Variants in ERF observed in about 807,000 individuals in gnomAD.
The protein encoded by ERF is ETS domain-containing transcription factor ERF.
In ERF, 10 loss-of-function variants were observed where a neutral mutation model predicts 41.6. The observed-to-expected ratio is 0.24, with a 90% CI of 0.15 to 0.41. The LOEUF is 0.41. Ranked by LOEUF, ERF falls within the 10% of genes least tolerant of loss-of-function variation. The pLI is 1.00. For missense variants in ERF, 621 were observed against 763.2 expected, an observed-to-expected ratio of 0.81 and a Z score of 2.19; for synonymous variants, 395 against 342.4, an observed-to-expected ratio of 1.15 and a Z score of -1.70.
rs1312164675 is a variant in ERF at position 42,250,075 on chromosome 19, T to C, written c.258-133A>G. ...CGTAGGCCACAAAAGACAAATCAAG[T>C]GCCCAGAGGGTGGGTACCAGCTCTC... On this transcript the variant is annotated intron_variant, in intron 2 of 3. Coordinates refer to ENST00000222329, the MANE Select transcript of ERF (RefSeq NM_006494.4). The surrounding 1 kb of genome is among the most constrained non-coding windows in gnomAD (Gnocchi z 5.1). 7 of 916,780 alleles carry C rather than the reference T, an allele frequency of 7.6e-6. No homozygotes were observed. Among genetic ancestry groups the C allele is most frequent in the African/African-American group, 6.5e-5 (4 of 61,358 alleles). 56.8% of individuals were successfully genotyped at this position (916,780 alleles called of 1,614,324 possible).
In ERF at chr19:42,248,333, A is replaced by G; in HGVS notation, c.*132T>C. The G allele has an allele frequency of 1.2e-6, 1 of 808,174 alleles. No homozygotes were observed. The highest frequency in any genetic ancestry group is 1.7e-6 in the Non-Finnish European group (1 of 584,878). 50.1% of individuals were successfully genotyped at this position (808,174 alleles called of 1,614,324 possible). On this transcript the variant is annotated 3_prime_UTR_variant, in exon 4 of 4. Coordinates refer to ENST00000222329, the MANE Select transcript of ERF (RefSeq NM_006494.4). This position sits in a 1 kb window ranked among gnomAD's most constrained non-coding sequence, Gnocchi z 4.2. ...AAAAAGAAATTAAAGTTTTATACAA[A>G]ATGTGGGGAGGGAAAAGGGAGGAGG...
chr19:42,253,990 G>T (rs990628778), intron 1 of ERF: 191 of 974,806 alleles, frequency 2.0e-4, no homozygotes, highest in Middle Eastern at 5.2e-4. Context: ...GGGGGCGGCT[G>T]GGACCCCTCC....
rs529687256 is a variant in ERF at position 42,250,909 on chromosome 19, G to A, written c.23-344C>T. On this transcript the variant is annotated intron_variant, in intron 1 of 3. Transcript: ENST00000222329. This position sits in a 1 kb window ranked among gnomAD's most constrained non-coding sequence, Gnocchi z 5.1. ...GGGGGAGGGGCAGGAAGGGGCACAC[G>A]TGGCCAGCCGGGTTGGGGTACAGCC... Among the ~76,000 whole-genome samples, 5 of 152,204 alleles carry A rather than the reference G, an allele frequency of 3.3e-5. No individual in the cohort carries two copies. The highest frequency in any genetic ancestry group is 1.9e-4 in the East Asian group (1 of 5,168).
In ERF at chr19:42,247,575, G is replaced by A. The variant is rs991521644; in HGVS notation, c.*890C>T. On this transcript the variant is annotated 3_prime_UTR_variant, in exon 4 of 4. Coordinates refer to ENST00000222329, the MANE Select transcript of ERF (RefSeq NM_006494.4). ...TAGGACATTGATCACTGCATCCAAA[G>A]GTCCAAAGTTTTATTGTTTTGAATA... 6.5e-6 allele frequency: 1 copy of A among 152,752 alleles called. No homozygotes were observed. The highest frequency in any genetic ancestry group is 1.5e-5 in the Non-Finnish European group (1 of 68,124). The allele number at this position is 152,752 out of a possible 1,614,324, so 9.5% of individuals were successfully genotyped here. A position where few individuals can be genotyped will look rare whatever the true frequency, so the allele number is the denominator to read the frequency against.
Position 42,248,851 on chromosome 19 carries a change from G to A in ERF, c.1261C>T (p.Pro421Ser). 1.2e-6 allele frequency: 2 copies of A among 1,610,472 alleles called. No homozygotes were observed. Among genetic ancestry groups the A allele is most frequent in the Non-Finnish European group, 1.7e-6 (2 of 1,179,016 alleles). The change falls in exon 4 of 4, where the codon CCG becomes TCG. Residue 421 changes from proline (P) to serine (S), a missense_variant. Pro to Ser is a moderately conservative substitution (Grantham distance 74). This residue lies in a region of ERF where 569 missense variants were observed against 625.5 expected (regional missense o/e 0.91). Transcript: ENST00000222329. The surrounding 1 kb of genome is among the most constrained non-coding windows in gnomAD (Gnocchi z 4.2). ...EGAGALAPPP[P>S]PPQIKVEPIS... ...GGCTCCACCTTGATCTGTGGTGGCG[G>A]GGGCGGTGGGGCTAGCGCCCCTGCC... is the stretch of plus-strand genomic sequence containing the variant.
rs368823305 is a variant in ERF at position 42,248,617 on chromosome 19, C to T, written c.1495G>A (p.Gly499Ser). ...TCATCCTCAAAGCCCCCAGCGGGGC[C>T]CCCACCCCCTTCGAGGCGACAGTCT... ...SEDCRLEGGGGPAGGFEDEGE... is the reference protein window; with the variant it reads ...SEDCRLEGGGSPAGGFEDEGE... The change falls in exon 4 of 4, where the codon GGC becomes AGC. Residue 499 changes from glycine to serine, a missense_variant. Gly to Ser is a moderately conservative substitution (Grantham distance 56). Around this residue, in one of 3 missense-constraint regions of ERF, gnomAD observed 569 missense variants for 625.5 expected, o/e 0.91. Coordinates refer to ENST00000222329, the MANE Select transcript of ERF (RefSeq NM_006494.4). The surrounding 1 kb of genome is among the most constrained non-coding windows in gnomAD (Gnocchi z 4.2). The T allele has an allele frequency of 6.6e-5, 104 of 1,583,654 alleles. No individual in the cohort carries two copies. Among genetic ancestry groups the T allele is most frequent in the Non-Finnish European group, 8.5e-5 (99 of 1,162,588 alleles).
At position 42,249,023 on chromosome 19, in the gene ERF, C is replaced by T. The variant is rs372067864; in HGVS notation, c.1089G>A (p.Ser363=). Residue 363 remains serine (S), a synonymous_variant, in exon 4 of 4, where the codon TCG becomes TCA. Transcript: ENST00000222329. The surrounding 1 kb of genome is among the most constrained non-coding windows in gnomAD (Gnocchi z 8.6). ...MAPETPPVPS[S]ASSSSSSSSS... is the part of the protein sequence containing the mutation. ...AAGAAGAAGAAGAGGATGACGAGGC[C>T]GAGGAGGGGACCGGTGGGGTCTCGG... The T allele has an allele frequency of 1.6e-5, 26 of 1,610,828 alleles. No individual in the cohort carries two copies. The highest frequency in any genetic ancestry group is 2.7e-5 in the African/African-American group (2 of 74,864).
At chr19:42,252,982 G>T (rs2036469276) in intron 1 of ERF, among the ~76,000 whole-genome samples, 1 of 152,208 alleles carries the variant, frequency 6.6e-6, no homozygotes, top group African/African-American at 2.4e-5. Flanking sequence ...GAGACTGCGA[G>T]ACAGAGTGCA....
rs1021533697 is a variant in ERF, at chr19:42,250,893, G to C, written c.23-328C>G. ...GGGCAGGGCTGCCAGTGGGGGAGGG[G>C]CAGGAAGGGGCACACGTGGCCAGCC... On this transcript the variant is annotated intron_variant, in intron 1 of 3. Coordinates refer to ENST00000222329, the MANE Select transcript of ERF (RefSeq NM_006494.4). This position sits in a 1 kb window ranked among gnomAD's most constrained non-coding sequence, Gnocchi z 5.1. Among the ~76,000 whole-genome samples, 2 of 152,060 alleles carry C rather than the reference G, an allele frequency of 1.3e-5. No homozygotes were observed. Among genetic ancestry groups the C allele is most frequent in the Admixed American group, 1.3e-4 (2 of 15,278 alleles).
chr19:42,252,892 A>C (rs1239623883), intron 1 of ERF, among the ~76,000 whole-genome samples: 1 of 151,972 alleles, frequency 6.6e-6, no homozygotes, highest in Non-Finnish European at 1.5e-5. Context: ...TGCACGGAGG[A>C]AGCTTGGGGG....
chr19:42,248,229 T>A lies in ERF; in HGVS notation c.*236A>T. 1 of 180,956 alleles carries A rather than the reference T, an allele frequency of 5.5e-6. No individual in the cohort carries two copies. The allele number at this position is 180,956 out of a possible 1,614,324, so 11.2% of individuals were successfully genotyped here. On this transcript the variant is annotated 3_prime_UTR_variant, in exon 4 of 4. Coordinates refer to ENST00000222329, the MANE Select transcript of ERF (RefSeq NM_006494.4). The surrounding 1 kb of genome is among the most constrained non-coding windows in gnomAD (Gnocchi z 4.2). ...CCCCCTCCCTCCCCCTACCACCACT[T>A]TGCCCAGAGCTTAGAAACCCACAGA...
chr19:42,253,858 G>T (rs1326660429), intron 1 of ERF: 20 of 1,065,910 alleles, frequency 1.9e-5, no homozygotes, highest in Non-Finnish European at 2.0e-5. Context: ...ACAGGAGCCC[G>T]AGCCGCCGCC....
rs1599820281 is a variant in ERF at position 42,248,799 on chromosome 19, A to C, written c.1313T>G (p.Val438Gly). 1 of 1,612,264 alleles carries C rather than the reference A, an allele frequency of 6.2e-7. No individual in the cohort carries two copies. The highest frequency in any genetic ancestry group is 1.3e-5 in the African/African-American group (1 of 74,490). Residue 438 changes from valine to glycine, a missense_variant, in exon 4 of 4, where the codon GTA becomes GGA. Transcript: ENST00000222329. This position sits in a 1 kb window ranked among gnomAD's most constrained non-coding sequence, Gnocchi z 4.2. ...EPISEGESEE[V>G]EVTDISDEDE... ...CTCATCACTGATGTCAGTCACCTCT[A>C]CCTCCTCCGACTCGCCTTCCGAGAT... is the stretch of plus-strand genomic sequence containing the variant.
rs549587644 is a variant in ERF at position 42,250,194 on chromosome 19, G to A, written c.257+137C>T. On this transcript the variant is annotated intron_variant, in intron 2 of 3. Coordinates refer to ENST00000222329, the MANE Select transcript of ERF (RefSeq NM_006494.4). The surrounding 1 kb of genome is among the most constrained non-coding windows in gnomAD (Gnocchi z 5.1). ...TTACCAAGGGGCTCAGGGAAGGGCT[G>A]GGAGTGGCCCAAGGTCACACAGCTA... The A allele has an allele frequency of 1.4e-5, 14 of 980,332 alleles. No individual in the cohort carries two copies. In the South Asian group the frequency reaches 1.9e-4, roughly 13 times the overall value. The allele number at this position is 980,332 out of a possible 1,614,324, so 60.7% of individuals were successfully genotyped here.
At chr19:42,253,802 GGGGAT>G (rs1396361324) in intron 1 of ERF, 3 of 879,318 alleles carry the variant, frequency 3.4e-6, no homozygotes, top group Non-Finnish European at 4.1e-6. Context: ...GGAATGGGGT[GGGGAT>G]GGGGTGGGGT....
rs897260918 is a variant in ERF at position 42,249,046 on chromosome 19, C to T, written c.1066G>A (p.Glu356Lys). Residue 356 changes from glutamate (E) to lysine (K), a missense_variant, in exon 4 of 4, where the codon GAG becomes AAG. Physicochemically the swap from Glu to Lys is moderately conservative, Grantham distance 56. Around this residue, in one of 3 missense-constraint regions of ERF, gnomAD observed 569 missense variants for 625.5 expected, o/e 0.91. Transcript: ENST00000222329. The surrounding 1 kb of genome is among the most constrained non-coding windows in gnomAD (Gnocchi z 8.6). ...GCCGAGGAGGGGACCGGTGGGGTCT[C>T]GGGTGCCATGGGCGGCAGCGGGCAC... Reference protein sequence around the residue: ...DKCPLPPMAPETPPVPSSASS... With the variant: ...DKCPLPPMAPKTPPVPSSASS... The T allele has an allele frequency of 1.9e-6, 3 of 1,612,364 alleles. No individual in the cohort carries two copies. Among genetic ancestry groups the T allele is most frequent in the Admixed American group, 1.7e-5 (1 of 59,954 alleles).
At chr19:42,254,010 C>A in intron 1 of ERF, 1 of 937,746 alleles carries the variant, frequency 1.1e-6, no homozygotes, top group Non-Finnish European at 1.3e-6. Context: ...CCCCTGCGCG[C>A]TCGGGCGCAA....
Position 42,248,542 on chromosome 19 carries a change from G to T in ERF, c.1570C>A (p.Pro524Thr). The T allele has an allele frequency of 6.5e-7, 1 of 1,548,784 alleles. No homozygotes were observed. Reference protein sequence around the residue: ...RGEGPGEAGGPLTPRRVSSDL... With the variant: ...RGEGPGEAGGTLTPRRVSSDL... ...GAGCTCACCCGCCTTGGGGTGAGGG[G>T]CCCCCCAGCCTCCCCAGGCCCCTCC... The change falls in exon 4 of 4, where the codon CCC (proline) becomes ACC (threonine). Residue 524 changes from proline (P) to threonine (T), a missense_variant. Pro to Thr is a conservative substitution (Grantham distance 38). Transcript: ENST00000222329. This position sits in a 1 kb window ranked among gnomAD's most constrained non-coding sequence, Gnocchi z 4.2.
chr19:42,248,921 G>A lies in ERF; in HGVS notation c.1191C>T (p.Ala397=), dbSNP rs749286761. The change falls in exon 4 of 4, where the codon GCC becomes GCT. Residue 397 remains alanine, a synonymous_variant. Coordinates refer to ENST00000222329, the MANE Select transcript of ERF (RefSeq NM_006494.4). The surrounding 1 kb of genome is among the most constrained non-coding windows in gnomAD (Gnocchi z 4.2). ...RQRAAGEKAV[A]GADKSGGSAG... is the part of the protein sequence containing the mutation. ...CACTGCCACCGCTCTTGTCAGCACC[G>A]GCTACGGCCTTCTCCCCAGCTGCCC... The A allele has an allele frequency of 1.2e-5, 20 of 1,605,618 alleles. No individual in the cohort carries two copies. Among genetic ancestry groups the A allele is most frequent in the Admixed American group, 6.7e-5 (4 of 59,934 alleles).
Sources: gnomAD v4.1 joint callset for allele counts (sites outside exome capture counted in the v4.1 genomes callset) on GRCh38, gnomAD v4.1.1 for gene constraint, gnomAD v4.1.1 regional missense constraint, Gnocchi (gnomAD v3.1) non-coding constraint, MANE v1.5 for transcripts, NCBI Gene and HGNC (gene_info 2026-07-23, HGNC 2026-07-21) for gene names.